ITIH2: variants seen among roughly 807,000 people sequenced by gnomAD.
The protein encoded by ITIH2 is inter-alpha-trypsin inhibitor heavy chain H2.
In ITIH2, 103 loss-of-function variants were observed where a neutral mutation model predicts 104.4. The ratio of observed to expected loss-of-function variants is 0.99; its 90% CI spans 0.84 to 1.16. The LOEUF is 1.16. Ranked by LOEUF, ITIH2 falls within the 50% of genes most tolerant of loss-of-function variation. The pLI is 0.00. For missense variants in ITIH2, 1,108 were observed against 1,162.4 expected, an observed-to-expected ratio of 0.95 and a Z score of 0.68; for synonymous variants, 436 against 435.4, an observed-to-expected ratio of 1.00 and a Z score of -0.02.
Position 7,730,373 on chromosome 10 carries a change from C to G in ITIH2, c.1461+240C>G, listed in dbSNP as rs77532574. Among the ~76,000 whole-genome samples, 6 of 152,296 alleles carry G rather than the reference C, an allele frequency of 3.9e-5. No individual in the cohort carries two copies. In the East Asian group the frequency reaches 9.6e-4, roughly 24 times the overall value. On this transcript the variant is annotated intron_variant, in intron 12 of 20. Coordinates refer to ENST00000358415, the MANE Select transcript of ITIH2 (RefSeq NM_002216.3). ...GGTGTTGGGAACAGCTGTCCTACCC[C>G]CTGAACAAAAAGGCCTTCTGAGCGT...
In ITIH2 at chr10:7,727,770, G is replaced by T; in HGVS notation, c.1221G>T (p.Leu407=). 6.2e-7 allele frequency: 1 copy of T among 1,614,126 alleles called. No homozygotes were observed. The highest frequency in any genetic ancestry group is 8.5e-7 in the Non-Finnish European group (1 of 1,179,966). Residue 407 remains leucine (L), a synonymous_variant, in exon 11 of 21, where the codon CTG becomes CTT. Coordinates refer to ENST00000358415, the MANE Select transcript of ITIH2 (RefSeq NM_002216.3). The part of the protein sequence containing the change: ...FILNEANNLG[L]LDPNSVSLII... Reference sequence around the variant, plus strand: ...TGAATGAAGCCAATAACTTGGGACTGTTAGACCCCAACTCCGTCTCGCTGA... The same window carrying T: ...TGAATGAAGCCAATAACTTGGGACTTTTAGACCCCAACTCCGTCTCGCTGA...
intron 4 of ITIH2, among the ~76,000 whole-genome samples, chr10:7,711,968 A>C (rs1467680476): frequency 6.6e-6 from 1 of 152,180 alleles, no homozygotes; most frequent in Non-Finnish European, 1.5e-5. Context: ...AGCTAAAGGT[A>C]AGGTGTATAG....
rs1158005134 is a variant in ITIH2 at position 7,714,196 on chromosome 10, GA to G, written c.467+913del. ...TTTTTTTTTTTTTTTTTTTGAGACGGAATCTCGCTCTGTCGCCCAGGCTGGA... is the reference window on the plus strand; with the variant it reads ...TTTTTTTTTTTTTTTTTTTGAGACGGATCTCGCTCTGTCGCCCAGGCTGGA... On this transcript the variant is annotated intron_variant, in intron 5 of 20. Coordinates refer to ENST00000358415, the MANE Select transcript of ITIH2 (RefSeq NM_002216.3). Among the ~76,000 whole-genome samples the G allele has an allele frequency of 2.5e-5, 3 of 118,402 alleles. No homozygotes were observed. The Admixed American group carries it at 2.5e-4, about 10-fold the overall frequency. The allele number at this position is 118,402 out of a possible 152,430, so 77.7% of individuals were successfully genotyped here.
At chr10:7,727,909 C>A in intron 11 of ITIH2, 81 bp downstream of exon 11, 1 of 1,489,794 alleles carries the variant, frequency 6.7e-7, no homozygotes, top group South Asian at 1.2e-5. Context: ...AAGGGGAACT[C>A]TAATGGCATT....
At chr10:7,739,908 G>A (rs998707451) in intron 16 of ITIH2, among the ~76,000 whole-genome samples, 1 of 151,510 alleles carries the variant, frequency 6.6e-6, no homozygotes, top group East Asian at 2.0e-4. Flanking sequence ...AGTAGGGACC[G>A]GGCACGGTGG....
chr10:7,719,412 G>C (rs1190454487), intron 6 of ITIH2, among the ~76,000 whole-genome samples: 4 of 152,178 alleles, frequency 2.6e-5, no homozygotes, highest in Non-Finnish European at 2.9e-5. Flanking sequence ...TGATGGATGA[G>C]TGTCAGTAAC....
chr10:7,710,224 A>G (rs144220407), intron 4 of ITIH2, among the ~76,000 whole-genome samples: 191 of 152,374 alleles, frequency 1.3e-3, no homozygotes, highest in African/African-American at 4.5e-3. Flanking sequence ...CTGAGTATTC[A>G]TAATGGTGTA....
chr10:7,732,344 A>G lies in ITIH2; in HGVS notation c.1654A>G (p.Thr552Ala). 6.2e-7 allele frequency: 1 copy of G among 1,613,632 alleles called. No homozygotes were observed. Among genetic ancestry groups the G allele is most frequent in the South Asian group, 1.1e-5 (1 of 91,016 alleles). ...TGAACCTTCCATCATCTAGGCTAAC[A>G]CGCAGTTAGTCTTGGAGACCCTGGC... ...ESVITATSANTQLVLETLAQM... is the reference protein window; with the variant it reads ...ESVITATSANAQLVLETLAQM... The change falls in exon 14 of 21, where the codon ACG (threonine) becomes GCG (alanine). Residue 552 changes from threonine (T) to alanine (A), a missense_variant. Coordinates refer to ENST00000358415, the MANE Select transcript of ITIH2 (RefSeq NM_002216.3).
intron 15 of ITIH2, among the ~76,000 whole-genome samples, chr10:7,737,148 T>G (rs1181113626): frequency 1.3e-5 from 2 of 151,424 alleles, no homozygotes; most frequent in Non-Finnish European, 2.9e-5. Context: ...AGACAAGAAC[T>G]GGCCTTCTGC....
chr10:7,727,734 A>T lies in ITIH2; in HGVS notation c.1185A>T (p.Ala395=), dbSNP rs1408426699. The change falls in exon 11 of 21, where the codon GCA becomes GCT. Residue 395 remains alanine, a synonymous_variant. Coordinates refer to ENST00000358415, the MANE Select transcript of ITIH2 (RefSeq NM_002216.3). ...GTNINEALLR[A]IFILNEANNL... ...ACATCAACGAAGCACTCCTACGGGCAATCTTCATTTTGAATGAAGCCAATA... is the reference window on the plus strand; with the variant it reads ...ACATCAACGAAGCACTCCTACGGGCTATCTTCATTTTGAATGAAGCCAATA... 3 of 1,614,166 alleles carry T rather than the reference A, an allele frequency of 1.9e-6. No individual in the cohort carries two copies. The highest frequency in any genetic ancestry group is 2.5e-6 in the Non-Finnish European group (3 of 1,179,988).
rs759816605 is a variant in ITIH2, at chr10:7,729,907, A to T, written c.1280-45A>T. On this transcript the variant is annotated intron_variant, in intron 11 of 20. Coordinates refer to ENST00000358415, the MANE Select transcript of ITIH2 (RefSeq NM_002216.3). The stretch of plus-strand genomic sequence containing the variant: ...CCCTGGATTTTCCAGAAAATTTATG[A>T]TATTGCTTCTTCATTCCTTTCCTTT... 2.1e-6 allele frequency: 3 copies of T among 1,427,306 alleles called. No individual in the cohort carries two copies. In the South Asian group the frequency reaches 4.1e-5, roughly 19 times the overall value. The allele number at this position is 1,427,306 out of a possible 1,614,324, so 88.4% of individuals were successfully genotyped here. A position where few individuals can be genotyped will look rare whatever the true frequency, so the allele number is the denominator to read the frequency against.
chr10:7,708,537 G>A (rs1274794203), intron 3 of ITIH2, among the ~76,000 whole-genome samples: 4 of 152,168 alleles, frequency 2.6e-5, no homozygotes, highest in Non-Finnish European at 5.9e-5. Context: ...AAAGAAGGTA[G>A]AGAGCTGTAA....
chr10:7,745,969 G>T (rs1185881459), intron 19 of ITIH2, among the ~76,000 whole-genome samples: 1 of 147,838 alleles, frequency 6.8e-6, no homozygotes, highest in African/African-American at 2.5e-5. Context: ...GGTCAGGCTG[G>T]TCTCAAACTC....
intron 4 of ITIH2, 43 bp from the exon 5 acceptor site, chr10:7,713,138 G>T: frequency 1.4e-6 from 2 of 1,416,298 alleles, no homozygotes; most frequent in Non-Finnish European, 2.0e-6. Context: ...AAAAAAAAAA[G>T]ATTACTATTC....
At chr10:7,734,429 T>C (rs1369671285) in intron 14 of ITIH2, among the ~76,000 whole-genome samples, 7 of 152,248 alleles carry the variant, frequency 4.6e-5, no homozygotes, top group African/African-American at 1.7e-4. Flanking sequence ...GATGCATGGC[T>C]CATGCCTGTA....
At position 7,732,395 on chromosome 10, in the gene ITIH2, C is replaced by G. The variant is rs7084817; in HGVS notation, c.1705C>G (p.Leu569Val). ...CCAGATGGACGACTTGCAGGATTTT[C>G]TATCGAAAGACAAGCATGCAGATCC... ...LAQMDDLQDF[L>V]SKDKHADPDF... is the part of the protein sequence containing the mutation. Residue 569 changes from leucine to valine, a missense_variant, in exon 14 of 21, where the codon CTA becomes GTA. Transcript: ENST00000358415. 75,629 of 1,613,892 alleles carry G rather than the reference C, an allele frequency of 0.047. 2,016 individuals carry two copies. Among genetic ancestry groups the G allele is most frequent in the Middle Eastern group, 0.082 (495 of 6,062 alleles).
At position 7,716,730 on chromosome 10, in the gene ITIH2, C is replaced by A. The variant is rs375141915; in HGVS notation, c.468-896C>A. ...CAGCCTGGGCAGCAGAGCGAGACCC[C>A]AGCTCAAAAAAAAAAAAAAAAAAAA... On this transcript the variant is annotated intron_variant, in intron 5 of 20. Coordinates refer to ENST00000358415, the MANE Select transcript of ITIH2 (RefSeq NM_002216.3). 6.6e-3 allele frequency among the ~76,000 whole-genome samples: 830 copies of A among 125,056 alleles called. 11 individuals carry two copies. The highest frequency in any genetic ancestry group is 0.011 in the South Asian group (44 of 3,950). The allele number at this position is 125,056 out of a possible 152,430, so 82.0% of individuals were successfully genotyped here. A position where few individuals can be genotyped will look rare whatever the true frequency, so the allele number is the denominator to read the frequency against.
rs762558554 is a variant in ITIH2 at position 7,749,201 on chromosome 10, A to C, written c.2708A>C (p.Asp903Ala). Residue 903 changes from aspartate to alanine, a missense_variant, in exon 21 of 21, where the codon GAC becomes GCC. Asp to Ala is a moderately radical substitution (Grantham distance 126). Transcript: ENST00000358415. Reference sequence around the variant, plus strand: ...CTTCCTTGCAGGGGCTTACAGAAAGACTACAGAACGGATCTAGTGTTTGGA... The same window carrying C: ...CTTCCTTGCAGGGGCTTACAGAAAGCCTACAGAACGGATCTAGTGTTTGGA... The part of the protein sequence containing the change: ...KLIITRGLQK[D>A]YRTDLVFGTD... 6.2e-7 allele frequency: 1 copy of C among 1,613,994 alleles called. No individual in the cohort carries two copies. The highest frequency in any genetic ancestry group is 8.5e-7 in the Non-Finnish European group (1 of 1,179,948).
At chr10:7,722,773 C>T (rs1375932478) in intron 8 of ITIH2, among the ~76,000 whole-genome samples, 1 of 152,186 alleles carries the variant, frequency 6.6e-6, no homozygotes, top group South Asian at 2.1e-4. Flanking sequence ...TAGATGCACA[C>T]GGGGCTCTTG....
Sources: gnomAD v4.1 joint callset for allele counts (sites outside exome capture counted in the v4.1 genomes callset) on GRCh38, gnomAD v4.1.1 for gene constraint, MANE v1.5 for transcripts, NCBI Gene and HGNC (gene_info 2026-07-23, HGNC 2026-07-21) for gene names.